The following SCFD2 variants were observed in gnomAD, a reference collection of about 807,000 sequenced individuals.
The protein encoded by SCFD2 is sec1 family domain containing 2.
Under a neutral mutation model 58.9 loss-of-function variants are expected in SCFD2, and 54 were observed. The ratio of observed to expected loss-of-function variants is 0.92; its 90% CI spans 0.74 to 1.15. The LOEUF is 1.15. SCFD2 is among the 50% of genes most tolerant of loss of function. The pLI, the probability that SCFD2 is intolerant of heterozygous loss-of-function variation, is 0.00. For missense variants in SCFD2, 805 were observed against 836.6 expected, an observed-to-expected ratio of 0.96 and a Z score of 0.47; for synonymous variants, 321 against 335.9, an observed-to-expected ratio of 0.96 and a Z score of 0.49.
At chr4:53,062,530 A>G (rs930155200) in intron 5 of SCFD2, among the ~76,000 whole-genome samples, 3 of 152,152 alleles carry the variant, frequency 2.0e-5, no homozygotes, top group African/African-American at 7.2e-5. Context: ...TCTAGTTATC[A>G]AAGAACCAAA....
intron 4 of SCFD2, among the ~76,000 whole-genome samples, chr4:53,163,356 C>T (rs1726911313): frequency 6.6e-6 from 1 of 152,212 alleles, no homozygotes; most frequent in Non-Finnish European, 1.5e-5. Flanking sequence ...CCAGAACTCA[C>T]TGGCTTCTTC....
At chr4:53,182,039 T>G (rs1032221238) in intron 4 of SCFD2, among the ~76,000 whole-genome samples, 15 of 152,112 alleles carry the variant, frequency 9.9e-5, no homozygotes, top group East Asian at 1.9e-4. Flanking sequence ...CATGCTCATG[T>G]CTAGGAAGAA....
At chr4:52,875,802 C>CTATATATATATATATA (rs3052566) in intron 8 of SCFD2, among the ~76,000 whole-genome samples, 1 of 61,272 alleles carries the variant, frequency 1.6e-5, no homozygotes, top group African/African-American at 5.9e-5. Context: ...TTATCTTTAA[C>CTATATATATATATATA]TATATATATA....
chr4:52,943,670 T>C (rs1185672754), intron 5 of SCFD2, among the ~76,000 whole-genome samples: 1 of 152,090 alleles, frequency 6.6e-6, no homozygotes, highest in Non-Finnish European at 1.5e-5. Context: ...GCTTTGTTGG[T>C]CTAATCACAT....
At chr4:53,224,403 AAG>A (rs1491538396) in intron 4 of SCFD2, among the ~76,000 whole-genome samples, 5 of 151,920 alleles carry the variant, frequency 3.3e-5, no homozygotes, top group Non-Finnish European at 7.4e-5. Context: ...AAAAAAAAAA[AAG>A]AGTCTTACAT....
rs183509198 is a variant in SCFD2, at chr4:53,084,951, A to T, written c.1561+60382T>A. On this transcript the variant is annotated intron_variant, in intron 5 of 8. Transcript: ENST00000401642. ...TATCATGCTGAATGGTGAAAAACTG[A>T]AAGCCTTTCCTCTAAGATCTGGAAC... Among the ~76,000 whole-genome samples, 21 of 152,374 alleles carry T rather than the reference A, an allele frequency of 1.4e-4. No homozygotes were observed. The South Asian group carries it at 1.7e-3, about 12-fold the overall frequency.
At chr4:53,004,386 G>T (rs1020364029) in intron 5 of SCFD2, among the ~76,000 whole-genome samples, 2 of 152,200 alleles carry the variant, frequency 1.3e-5, no homozygotes, top group Non-Finnish European at 2.9e-5. Context: ...CTTGCATAAA[G>T]GTGATCTGGT....
intron 4 of SCFD2, among the ~76,000 whole-genome samples, chr4:53,202,556 T>C (rs1728281489): frequency 6.6e-6 from 1 of 152,106 alleles, no homozygotes; most frequent in Admixed American, 6.6e-5. Context: ...TTTCCAATTC[T>C]GTGTAGAAAG....
chr4:53,240,492 G>A (rs192646114), intron 4 of SCFD2, among the ~76,000 whole-genome samples: 38 of 152,168 alleles, frequency 2.5e-4, no homozygotes, highest in African/African-American at 8.4e-4. Flanking sequence ...AAAAGGGAAG[G>A]TTGCCTGTAT....
chr4:53,247,867 CAAAAAAAAAAAAAA>C (rs35585900), intron 4 of SCFD2, among the ~76,000 whole-genome samples: 16 of 54,530 alleles, frequency 2.9e-4, no homozygotes, highest in African/African-American at 8.7e-4. Flanking sequence ...GACTCCGTCT[CAAAAAAAAAAAAAA>C]AAAAAAAAAA....
chr4:53,093,254 T>TA (rs1484028059), intron 5 of SCFD2, among the ~76,000 whole-genome samples: 1 of 152,106 alleles, frequency 6.6e-6, no homozygotes, highest in Non-Finnish European at 1.5e-5. Context: ...TGATAGGTGT[T>TA]CAGCAAATAG....
At chr4:53,099,481 A>G (rs1271463580) in intron 5 of SCFD2, among the ~76,000 whole-genome samples, 2 of 152,114 alleles carry the variant, frequency 1.3e-5, no homozygotes, top group African/African-American at 4.8e-5. Flanking sequence ...TCAAGAAAAG[A>G]GGTTTATTTT....
chr4:53,168,666 T>C (rs1197443744), intron 4 of SCFD2, among the ~76,000 whole-genome samples: 2 of 152,238 alleles, frequency 1.3e-5, no homozygotes, highest in Non-Finnish European at 2.9e-5. Context: ...AAAGTGATGT[T>C]ATGATATATG....
intron 5 of SCFD2, among the ~76,000 whole-genome samples, chr4:52,933,185 T>C (rs1265366716): frequency 6.6e-6 from 1 of 152,040 alleles, no homozygotes; most frequent in Non-Finnish European, 1.5e-5. Context: ...CTGGAAGAAG[T>C]AGGACAGGAA....
intron 5 of SCFD2, among the ~76,000 whole-genome samples, chr4:53,060,449 T>A (rs1394559895): frequency 6.6e-6 from 1 of 152,170 alleles, no homozygotes; most frequent in African/African-American, 2.4e-5. Context: ...ATTATACACA[T>A]GAAACTTAGA....
At chr4:52,941,935 C>G (rs1461654628) in intron 5 of SCFD2, among the ~76,000 whole-genome samples, 4 of 152,132 alleles carry the variant, frequency 2.6e-5, no homozygotes, top group Non-Finnish European at 5.9e-5. Flanking sequence ...TGAAATGCTC[C>G]AATGAGCATT....
chr4:53,310,617 A>G (rs1732661315), intron 3 of SCFD2, among the ~76,000 whole-genome samples: 1 of 152,230 alleles, frequency 6.6e-6, no homozygotes, highest in African/African-American at 2.4e-5. Context: ...ACTTTTCTGG[A>G]ACATATCTAT....
At chr4:53,052,794 A>G (rs1291231994) in intron 5 of SCFD2, among the ~76,000 whole-genome samples, 1 of 152,214 alleles carries the variant, frequency 6.6e-6, no homozygotes, top group Non-Finnish European at 1.5e-5. Flanking sequence ...TCTCCATACA[A>G]TGCAATACTA....
chr4:53,064,320 T>A (rs1723596613), intron 5 of SCFD2, among the ~76,000 whole-genome samples: 1 of 152,092 alleles, frequency 6.6e-6, no homozygotes, highest in African/African-American at 2.4e-5. Context: ...CCCATCTGTA[T>A]GTCCACCAAC....
Sources: allele counts gnomAD v4.1 joint callset (sites outside exome capture counted in the v4.1 genomes callset), GRCh38; gene constraint gnomAD v4.1.1; transcripts MANE v1.5; gene names NCBI Gene and HGNC (gene_info 2026-07-23, HGNC 2026-07-21).